The following KALRN variants were observed in gnomAD, a reference collection of about 807,000 sequenced individuals.
The protein encoded by KALRN is kalirin.
Under a neutral mutation model 353.7 loss-of-function variants are expected in KALRN, and 70 were observed. The ratio of observed to expected loss-of-function variants is 0.20; its 90% CI spans 0.16 to 0.24. The LOEUF (loss-of-function observed/expected upper bound fraction) is 0.24. Among genes scored for constraint, KALRN ranks in the 10% least tolerant of loss-of-function variants. The probability of loss-of-function intolerance (pLI) is 1.00; values close to 1 mark genes in which losing one functional copy is unlikely to be tolerated. For synonymous variants in KALRN, 1,391 were observed against 1,434.8 expected, an observed-to-expected ratio of 0.97 and a Z score of 0.69; for missense variants, 2,791 against 3,756.7, an observed-to-expected ratio of 0.74 and a Z score of 6.72.
intron 1 of KALRN, among the ~76,000 whole-genome samples, chr3:124,054,995 A>G (rs190288601): frequency 6.6e-6 from 1 of 152,252 alleles, no homozygotes; most frequent in East Asian, 1.9e-4. Flanking sequence ...ATTAACCATC[A>G]GGACCCTTGA....
intron 15 of KALRN, among the ~76,000 whole-genome samples, chr3:124,427,952 C>A (rs1452817490): frequency 6.6e-6 from 1 of 152,154 alleles, no homozygotes; most frequent in African/African-American, 2.4e-5. Context: ...TACCCCATCC[C>A]TTATGCAAGG....
chr3:124,667,515 C>G (rs1420832056), intron 47 of KALRN, among the ~76,000 whole-genome samples: 1 of 152,172 alleles, frequency 6.6e-6, no homozygotes, highest in Admixed American at 6.5e-5. Context: ...GGAACCAGGA[C>G]CGGCTAGAAA....
intron 10 of KALRN, among the ~76,000 whole-genome samples, chr3:124,377,465 GA>G (rs1429728583): frequency 6.6e-6 from 1 of 151,548 alleles, no homozygotes; most frequent in Non-Finnish European, 1.5e-5. Context: ...CTATGGCTGA[GA>G]ATATGGTTTA....
chr3:124,046,449 G>A (rs1292657609), intron 1 of KALRN, among the ~76,000 whole-genome samples: 2 of 152,194 alleles, frequency 1.3e-5, no homozygotes, highest in Non-Finnish European at 2.9e-5. Flanking sequence ...GGGAGCCAAG[G>A]TCATCTGCAA....
At chr3:124,556,982 C>A (rs1206115770) in intron 33 of KALRN, among the ~76,000 whole-genome samples, 1 of 152,194 alleles carries the variant, frequency 6.6e-6, no homozygotes, top group Non-Finnish European at 1.5e-5. Context: ...TATTACAAAG[C>A]TTTATAAATA....
chr3:124,496,471 T>C, intron 33 of KALRN, 58 bp downstream of exon 33: 1 of 1,243,994 alleles, frequency 8.0e-7, no homozygotes, highest in Non-Finnish European at 1.2e-6. Flanking sequence ...CAACCACCCC[T>C]GGAGAGGTAC....
intron 1 of KALRN, among the ~76,000 whole-genome samples, chr3:124,044,080 C>G (rs2040205150): frequency 6.6e-6 from 1 of 152,140 alleles, no homozygotes; most frequent in African/African-American, 2.4e-5. Flanking sequence ...GAATGAGCCC[C>G]TTGCTCATTC....
intron 3 of KALRN, among the ~76,000 whole-genome samples, chr3:124,257,718 C>T (rs552909188): frequency 6.6e-6 from 1 of 152,316 alleles, no homozygotes; most frequent in East Asian, 1.9e-4. Context: ...AGGGTGAGCA[C>T]AGGGGAGACA....
intron 33 of KALRN, among the ~76,000 whole-genome samples, chr3:124,559,773 C>A (rs1179527770): frequency 1.3e-5 from 2 of 152,206 alleles, no homozygotes; most frequent in African/African-American, 4.8e-5. Flanking sequence ...CCAGCACCCT[C>A]CCTTGTTGGC....
At chr3:124,329,661 C>A (rs1000779444) in intron 7 of KALRN, among the ~76,000 whole-genome samples, 200 bp from the exon 8 acceptor site, 2 of 152,084 alleles carry the variant, frequency 1.3e-5, no homozygotes, top group African/African-American at 4.8e-5. Flanking sequence ...GACTATACTT[C>A]CTAAATGGGT....
intron 34 of KALRN, among the ~76,000 whole-genome samples, chr3:124,618,208 C>G (rs1459888283): frequency 6.8e-6 from 1 of 146,136 alleles, no homozygotes; most frequent in Non-Finnish European, 1.5e-5. Flanking sequence ...TCCCGGGGTT[C>G]ATGCCCTTCT....
At position 124,106,718 on chromosome 3, in the gene KALRN, C is replaced by T. The variant is rs148459005; in HGVS notation, c.73+72905C>T. On this transcript the variant is annotated intron_variant, in intron 1 of 59. Coordinates refer to ENST00000682506, the MANE Select transcript of KALRN (RefSeq NM_001388419.1). ...TGAGGCTCAAAGAAATGATTTTACT[C>T]CCCAAAGTCATACAATTATCGGCTG... Among the ~76,000 whole-genome samples, 1,138 of 152,260 alleles carry T rather than the reference C, an allele frequency of 7.5e-3. 9 individuals carry two copies. Among genetic ancestry groups the T allele is most frequent in the Non-Finnish European group, 9.6e-3 (656 of 68,018 alleles).
chr3:124,479,609 T>C (rs1454500534), intron 27 of KALRN, among the ~76,000 whole-genome samples: 1 of 151,950 alleles, frequency 6.6e-6, no homozygotes, highest in African/African-American at 2.4e-5. Context: ...CCTCATTCTA[T>C]AAATGAGATA....
chr3:124,437,685 G>A (rs149241768), intron 17 of KALRN, among the ~76,000 whole-genome samples: 115 of 57,506 alleles, frequency 2.0e-3, no homozygotes, highest in African/African-American at 7.4e-3. Context: ...GCTAGATTCC[G>A]TCTCAAAAAA....
intron 34 of KALRN, among the ~76,000 whole-genome samples, chr3:124,578,274 A>G (rs2074307429): frequency 6.6e-6 from 1 of 152,250 alleles, no homozygotes; most frequent in African/African-American, 2.4e-5. Flanking sequence ...TTAGATGTTT[A>G]GGCCACAGCC....
At chr3:124,153,566 C>T (rs1194661704) in intron 1 of KALRN, among the ~76,000 whole-genome samples, 7 of 150,196 alleles carry the variant, frequency 4.7e-5, no homozygotes, top group South Asian at 2.1e-4. Context: ...TGAATAGTGC[C>T]GCAATAAACA....
chr3:124,229,903 GC>G (rs1184299049), intron 2 of KALRN, among the ~76,000 whole-genome samples: 3 of 152,220 alleles, frequency 2.0e-5, no homozygotes, highest in Non-Finnish European at 4.4e-5. Context: ...AAGGTAATGA[GC>G]CCCCTGCCAC....
At chr3:124,709,324 C>T (rs1359750242) in intron 57 of KALRN, among the ~76,000 whole-genome samples, 1 of 152,176 alleles carries the variant, frequency 6.6e-6, no homozygotes, top group Non-Finnish European at 1.5e-5. Flanking sequence ...TTCACCCAGG[C>T]TGGAGTGCAG....
At chr3:124,618,665 G>A (rs1175943345) in intron 34 of KALRN, among the ~76,000 whole-genome samples, 1 of 152,180 alleles carries the variant, frequency 6.6e-6, no homozygotes, top group Non-Finnish European at 1.5e-5. Context: ...CTTGTTTGAA[G>A]GCCTAAGACA....
Sources: allele counts gnomAD v4.1 joint callset (sites outside exome capture counted in the v4.1 genomes callset), GRCh38; gene constraint gnomAD v4.1.1; transcripts MANE v1.5; gene names NCBI Gene and HGNC (gene_info 2026-07-23, HGNC 2026-07-21).